The following PLAC1 variants were observed in gnomAD, a reference collection of about 807,000 sequenced individuals.
The protein encoded by PLAC1 is placenta-specific protein 1.
For missense variants in PLAC1, 136 were observed against 163.2 expected (o/e 0.83, Z 0.91); for synonymous variants, 68 against 62.1 (o/e 1.09, Z -0.44).
intron 2 of PLAC1, among the ~76,000 whole-genome samples, chrX:134,678,008 C>T (rs770608442): frequency 9.0e-6 from 1 of 111,340 alleles, no homozygotes; most frequent in Admixed American, 9.5e-5. Context: ...AGAGAGAAAT[C>T]GGGAATGACT....
chrX:134,580,156 T>C (rs1406039799), intron 2 of PLAC1, among the ~76,000 whole-genome samples: 1 of 112,258 alleles, frequency 8.9e-6, no homozygotes, highest in Non-Finnish European at 1.9e-5. Context: ...TCCTACTTTT[T>C]AAAGCTTTCT....
intron 2 of PLAC1, among the ~76,000 whole-genome samples, chrX:134,684,792 A>G (rs1000381444): frequency 8.9e-6 from 1 of 112,000 alleles, no homozygotes; most frequent in African/African-American, 3.2e-5. Context: ...TAATGGCTGG[A>G]GGGGGGAGAT....
Position 134,696,751 on chromosome X carries a change from G to A in PLAC1, n.174+36684C>T, listed in dbSNP as rs191449898. Among the ~76,000 whole-genome samples, 7 of 111,397 alleles carry A rather than the reference G, an allele frequency of 6.3e-5. No homozygotes were observed. The East Asian group carries it at 8.5e-4, about 14-fold the overall frequency. On this transcript the variant is annotated intron_variant and non_coding_transcript_variant, in intron 2 of 2. Transcript: ENST00000466797. ...CTGCTTTGAAAATGTCTGTTTGGCC[G>A]GGCGCGGTGGCTCACGCCTGTAATC...
At chrX:134,737,997 T>G (rs2078707389) in intron 1 of PLAC1, among the ~76,000 whole-genome samples, 1 of 111,377 alleles carries the variant, frequency 9.0e-6, no homozygotes, top group African/African-American at 3.3e-5. Context: ...CTTCAGGGAC[T>G]TGCGGATTTC....
chrX:134,750,296 T>C (rs1421999841), intron 1 of PLAC1, among the ~76,000 whole-genome samples: 1 of 111,335 alleles, frequency 9.0e-6, no homozygotes, highest in African/African-American at 3.3e-5. Flanking sequence ...CACAAACTCA[T>C]GCTGTCAACC....
intron 1 of PLAC1, among the ~76,000 whole-genome samples, chrX:134,647,410 CTGTGTGTGTGTGTGTG>C (rs200761671): frequency 1.0e-4 from 9 of 90,145 alleles, no homozygotes; most frequent in African/African-American, 3.3e-4. Flanking sequence ...ATGCATGCAT[CTGTGTGTGTGTGTGTG>C]TGTGTGTGTG....
At chrX:134,752,074 G>A (rs761314225) in intron 1 of PLAC1, among the ~76,000 whole-genome samples, 5 of 112,055 alleles carry the variant, frequency 4.5e-5, no homozygotes, top group Non-Finnish European at 9.4e-5. Flanking sequence ...GGCTTGTGAA[G>A]AGTTAGGGAC....
At chrX:134,663,517 G>A (rs2078424761) in intron 2 of PLAC1, among the ~76,000 whole-genome samples, 2 of 112,990 alleles carry the variant, frequency 1.8e-5, no homozygotes, top group Admixed American at 9.3e-5. Context: ...CTGGTAAGAA[G>A]GGGCATAGGT....
intron 1 of PLAC1, among the ~76,000 whole-genome samples, chrX:134,622,059 G>A (rs1378089692): frequency 8.9e-6 from 1 of 112,000 alleles, no homozygotes; most frequent in African/African-American, 3.3e-5. Flanking sequence ...CCTGGGCTCT[G>A]AGCAGAGGAA....
Position 134,689,461 on chromosome X carries a change from A to T in PLAC1, n.174+43974T>A, listed in dbSNP as rs981985738. On this transcript the variant is annotated intron_variant and non_coding_transcript_variant, in intron 2 of 2. Coordinates refer to the PLAC1 transcript ENST00000466797. ...CGTTTTCATCTCCTCTGACTTACAAATCCTTCCATCTTTAAGGGCCTTCAT... is the reference window on the plus strand; with the variant it reads ...CGTTTTCATCTCCTCTGACTTACAATTCCTTCCATCTTTAAGGGCCTTCAT... Among the ~76,000 whole-genome samples the T allele has an allele frequency of 2.7e-5, 3 of 111,580 alleles. No homozygotes were observed. The Admixed American group carries it at 2.9e-4, about 11-fold the overall frequency.
At chrX:134,654,423 C>T (rs1292722053) in intron 1 of PLAC1, among the ~76,000 whole-genome samples, 1 of 112,172 alleles carries the variant, frequency 8.9e-6, no homozygotes, top group Non-Finnish European at 1.9e-5. Flanking sequence ...CCACCATCTC[C>T]CAAAGCACAA....
chrX:134,596,751 C>T lies in PLAC1; in HGVS notation c.-59+5300G>A, dbSNP rs1035480135. 3.6e-5 allele frequency among the ~76,000 whole-genome samples: 4 copies of T among 110,027 alleles called. No individual in the cohort carries two copies. In the Admixed American group the frequency reaches 3.9e-4, roughly 11 times the overall value. On this transcript the variant is annotated intron_variant, in intron 2 of 2. Transcript: ENST00000359237. ...AGCTGGGACTACAGGTGTGCACCAC[C>T]ACACCTGGCTAATTTTTGTACTTTT... is the stretch of plus-strand genomic sequence containing the variant.
chrX:134,609,740 G>A (rs1456341653), intron 1 of PLAC1, among the ~76,000 whole-genome samples: 2 of 111,480 alleles, frequency 1.8e-5, no homozygotes, highest in Non-Finnish European at 3.8e-5. Flanking sequence ...GTGCATCTGG[G>A]TGAAGAGAAA....
chrX:134,756,310 T>C (rs1409046278), intron 1 of PLAC1, among the ~76,000 whole-genome samples: 2 of 110,164 alleles, frequency 1.8e-5, no homozygotes. Flanking sequence ...TATAAAGAAA[T>C]TAATCGACGT....
In PLAC1 at chrX:134,671,545, G is replaced by C. The variant is rs781473901; in HGVS notation, n.174+61890C>G. On this transcript the variant is annotated intron_variant and non_coding_transcript_variant, in intron 2 of 2. Coordinates refer to the PLAC1 transcript ENST00000466797. ...AGGCCTCAGGAAACGTACAGTCATG[G>C]CGGAAGGTGAAGAGGAAGCAAGCAC... Among the ~76,000 whole-genome samples the C allele has an allele frequency of 1.9e-3, 207 of 110,639 alleles. 1 individual carries two copies. Among genetic ancestry groups the C allele is most frequent in the African/African-American group, 6.3e-3 (192 of 30,337 alleles).
chrX:134,577,974 G>T (rs2077949291), intron 2 of PLAC1, among the ~76,000 whole-genome samples: 1 of 110,514 alleles, frequency 9.0e-6, no homozygotes, highest in Non-Finnish European at 1.9e-5. Context: ...TTCTAACAGG[G>T]ACTTGACCTC....
chrX:134,629,082 C>T (rs1234876491), intron 1 of PLAC1, among the ~76,000 whole-genome samples: 1 of 111,833 alleles, frequency 8.9e-6, no homozygotes, highest in Non-Finnish European at 1.9e-5. Flanking sequence ...TTTTCCATGG[C>T]TCACCACAGC....
chrX:134,577,865 C>T (rs1160155882), intron 2 of PLAC1, among the ~76,000 whole-genome samples: 2 of 109,565 alleles, frequency 1.8e-5, no homozygotes, highest in African/African-American at 6.7e-5. Context: ...ATCATGCACA[C>T]ATACAGAGGT....
chrX:134,570,744 C>T (rs909278967), intron 2 of PLAC1, among the ~76,000 whole-genome samples: 2 of 111,887 alleles, frequency 1.8e-5, no homozygotes, highest in African/African-American at 6.5e-5. Flanking sequence ...AAAATGTTTG[C>T]TTTCCTTGAA....
Sources: gnomAD v4.1 joint callset for allele counts (sites outside exome capture counted in the v4.1 genomes callset) on GRCh38, gnomAD v4.1.1 for gene constraint, MANE v1.5 for transcripts, NCBI Gene and HGNC (gene_info 2026-07-23, HGNC 2026-07-21) for gene names.